EYA1: variants seen among roughly 807,000 people sequenced by gnomAD.
The protein encoded by EYA1 is EYA transcriptional coactivator and phosphatase 1.
Under a neutral mutation model 82.0 loss-of-function variants are expected in EYA1, and 16 were observed. That is an observed-to-expected ratio of 0.20 (90% CI 0.13 to 0.30). The LOEUF (loss-of-function observed/expected upper bound fraction) is 0.30, where lower values mean the gene tolerates loss of function less well. Ranked by LOEUF, EYA1 falls within the 10% of genes least tolerant of loss-of-function variation. The pLI is 1.00. For missense variants in EYA1, 633 were observed against 730.7 expected, an observed-to-expected ratio of 0.87 and a Z score of 1.54; for synonymous variants, 261 against 264.4, an observed-to-expected ratio of 0.99 and a Z score of 0.12.
In EYA1 at chr8:71,523,173, C is replaced by CTTTTTTTTTTTTTTTTTTTTTT. The variant is rs201950125; in HGVS notation, c.33+12570_33+12571insAAAAAAAAAAAAAAAAAAAAAA. On this transcript the variant is annotated intron_variant, in intron 2 of 18. Coordinates refer to the EYA1 transcript ENST00000643681. ...TTCAGCTCTTTTTCTTTTCTTTTTT[C>CTTTTTTTTTTTTTTTTTTTTTT]TTTTTCTTTTTTTTTTTTTTTTTGA... Among the ~76,000 whole-genome samples, 26 of 110,824 alleles carry CTTTTTTTTTTTTTTTTTTTTTT rather than the reference C, an allele frequency of 2.3e-4. 4 individuals are homozygous for CTTTTTTTTTTTTTTTTTTTTTT. Among genetic ancestry groups the CTTTTTTTTTTTTTTTTTTTTTT allele is most frequent in the African/African-American group, 6.3e-4 (17 of 26,850 alleles). The allele number at this position is 110,824 out of a possible 152,430, so 72.7% of individuals were successfully genotyped here. A position where few individuals can be genotyped will look rare whatever the true frequency, so the allele number is the denominator to read the frequency against.
chr8:71,408,016 C>G (rs933281722), intron 2 of EYA1, among the ~76,000 whole-genome samples: 4 of 151,550 alleles, frequency 2.6e-5, no homozygotes, highest in Non-Finnish European at 5.9e-5. Context: ...AGACTAACAG[C>G]GGATCTCTCG....
intron 2 of EYA1, among the ~76,000 whole-genome samples, chr8:71,464,534 T>C (rs1317515905): frequency 6.6e-6 from 1 of 152,214 alleles, no homozygotes; most frequent in Admixed American, 6.5e-5. Context: ...GTTGGCCCAA[T>C]AGATATAGAC....
chr8:71,211,321 A>C, intron 16 of EYA1, 65 bp from the exon 17 acceptor site: 1 of 1,019,872 alleles, frequency 9.8e-7, no homozygotes. Context: ...CAGTGCTTGA[A>C]CTTTTTATAT....
intron 2 of EYA1, among the ~76,000 whole-genome samples, chr8:71,440,506 C>G (rs548374427): frequency 6.6e-6 from 1 of 152,222 alleles, no homozygotes; most frequent in South Asian, 2.1e-4. Context: ...TGACAAAGCT[C>G]TAAGACTTGG....
At chr8:71,237,767 C>T (rs914262249) in intron 12 of EYA1, among the ~76,000 whole-genome samples, 5 of 152,110 alleles carry the variant, frequency 3.3e-5, no homozygotes, top group African/African-American at 1.2e-4. Flanking sequence ...ATAGGGTATA[C>T]ATTTTATAAT....
intron 3 of EYA1, among the ~76,000 whole-genome samples, chr8:71,345,150 T>C (rs1825562378): frequency 1.3e-5 from 2 of 152,228 alleles, no homozygotes; most frequent in South Asian, 4.1e-4. Context: ...CTGCTATGTT[T>C]TGAGCATGTA....
chr8:71,522,356 A>G (rs998798097), intron 2 of EYA1, among the ~76,000 whole-genome samples: 1 of 152,190 alleles, frequency 6.6e-6, no homozygotes, highest in Non-Finnish European at 1.5e-5. Flanking sequence ...GGAGTCTCCA[A>G]TAGATTATCA....
intron 4 of EYA1, among the ~76,000 whole-genome samples, chr8:71,330,025 CA>C (rs1333634866): frequency 6.6e-6 from 1 of 151,866 alleles, no homozygotes. Flanking sequence ...GGACTGCCAG[CA>C]AAAAACACAC....
chr8:71,427,153 C>T (rs990521748), intron 2 of EYA1, among the ~76,000 whole-genome samples: 15 of 152,156 alleles, frequency 9.9e-5, no homozygotes. Flanking sequence ...AATTTTTGTT[C>T]TCTTGAAACA....
intron 2 of EYA1, among the ~76,000 whole-genome samples, chr8:71,439,104 C>G (rs528386634): frequency 6.6e-6 from 1 of 152,228 alleles, no homozygotes; most frequent in African/African-American, 2.4e-5. Flanking sequence ...GTCATTGAAC[C>G]ACCTAGGCCA....
At chr8:71,385,390 C>A (rs977450877) in intron 2 of EYA1, among the ~76,000 whole-genome samples, 1 of 151,902 alleles carries the variant, frequency 6.6e-6, no homozygotes, top group Non-Finnish European at 1.5e-5. Flanking sequence ...ACCTGAGCCA[C>A]CACGTAAAAC....
In EYA1 at chr8:71,247,527, T is replaced by G. The variant is rs150691336; in HGVS notation, c.1051-2835A>C. Among the ~76,000 whole-genome samples the G allele has an allele frequency of 2.5e-3, 377 of 152,342 alleles. 2 individuals carry two copies. The highest frequency in any genetic ancestry group is 8.8e-3 in the African/African-American group (366 of 41,574). ...CGATTCCCTCAAATTTTGTGTATGATGATTCATACTCCTTAGCATTCTGAA... is the reference window on the plus strand; with the variant it reads ...CGATTCCCTCAAATTTTGTGTATGAGGATTCATACTCCTTAGCATTCTGAA... On this transcript the variant is annotated intron_variant, in intron 11 of 17. Coordinates refer to ENST00000340726, the MANE Select transcript of EYA1 (RefSeq NM_000503.6).
chr8:71,208,992 A>G (rs1808183864), intron 17 of EYA1, among the ~76,000 whole-genome samples: 1 of 152,240 alleles, frequency 6.6e-6, no homozygotes, highest in Non-Finnish European at 1.5e-5. Flanking sequence ...CTCTCTGCCT[A>G]CCACAAGCTA....
chr8:71,447,664 G>A (rs1273242011), intron 2 of EYA1, among the ~76,000 whole-genome samples: 1 of 152,098 alleles, frequency 6.6e-6, no homozygotes, highest in Non-Finnish European at 1.5e-5. Context: ...TTGCAATAAA[G>A]CAAGTCACAC....
intron 2 of EYA1, among the ~76,000 whole-genome samples, chr8:71,484,561 A>G (rs1367545934): frequency 6.6e-6 from 1 of 152,124 alleles, no homozygotes; most frequent in South Asian, 2.1e-4. Flanking sequence ...GGTCATTCCT[A>G]TGTTGCTGTT....
chr8:71,267,325 T>C (rs932768539), intron 11 of EYA1, among the ~76,000 whole-genome samples: 4 of 152,170 alleles, frequency 2.6e-5, no homozygotes, highest in Admixed American at 2.6e-4. Flanking sequence ...CTGCACTTAC[T>C]GTTTCTTCTG....
At chr8:71,358,111 C>G (rs1418004448) in intron 1 of EYA1, among the ~76,000 whole-genome samples, 1 of 151,882 alleles carries the variant, frequency 6.6e-6, no homozygotes, top group African/African-American at 2.4e-5. Flanking sequence ...AATACATTTC[C>G]ATTTTAACAT....
At chr8:71,359,301 A>G (rs1317333068) in intron 1 of EYA1, among the ~76,000 whole-genome samples, 1 of 152,112 alleles carries the variant, frequency 6.6e-6, no homozygotes, top group East Asian at 1.9e-4. Context: ...TGTCTCTCTC[A>G]TTTTGTTAAA....
chr8:71,289,891 A>G (rs889736787), intron 9 of EYA1, among the ~76,000 whole-genome samples: 1 of 152,234 alleles, frequency 6.6e-6, no homozygotes, highest in African/African-American at 2.4e-5. Flanking sequence ...CAGCATGTAT[A>G]GTACTCTATT....
Sources: gnomAD v4.1 joint callset for allele counts (sites outside exome capture counted in the v4.1 genomes callset) on GRCh38, gnomAD v4.1.1 for gene constraint, MANE v1.5 for transcripts, NCBI Gene and HGNC (gene_info 2026-07-23, HGNC 2026-07-21) for gene names.